TG: variants seen among roughly 807,000 people sequenced by gnomAD.
The protein encoded by TG is thyroglobulin.
A neutral mutation model predicts 324.7 loss-of-function variants in TG; 270 were observed. The ratio of observed to expected loss-of-function variants is 0.83; its 90% CI spans 0.75 to 0.92. TG has a LOEUF of 0.92. Among genes scored for constraint, TG ranks in the 40% least tolerant of loss-of-function variants. TG has a pLI of 0.00. For missense variants in TG, 3,591 were observed against 3,456.4 expected (o/e 1.04, Z -0.98); for synonymous variants, 1,401 against 1,327.0 (o/e 1.06, Z -1.21).
chr8:132,937,899 G>A (rs1446454772), intron 25 of TG, among the ~76,000 whole-genome samples: 1 of 151,980 alleles, frequency 6.6e-6, no homozygotes, highest in Admixed American at 6.6e-5. Flanking sequence ...ACTAAATCAA[G>A]GGCAGAACTA....
At chr8:133,133,086 C>G (rs1852068693) in intron 46 of TG, among the ~76,000 whole-genome samples, 1 of 152,164 alleles carries the variant, frequency 6.6e-6, no homozygotes, top group Admixed American at 6.5e-5. Flanking sequence ...GATTCACCCT[C>G]CTGCCCGGGC....
chr8:133,112,806 A>G (rs1190753710), intron 43 of TG, among the ~76,000 whole-genome samples: 2 of 152,064 alleles, frequency 1.3e-5, no homozygotes, highest in African/African-American at 2.4e-5. Context: ...CTGATATACC[A>G]TACATTTATT....
At chr8:133,118,317 T>C (rs1406458428) in intron 45 of TG, among the ~76,000 whole-genome samples, 1 of 139,114 alleles carries the variant, frequency 7.2e-6, no homozygotes, top group Non-Finnish European at 1.5e-5. Context: ...AAACAGATTC[T>C]TCCTTTTTTT....
chr8:132,929,968 G>T (rs1011520560), intron 23 of TG, among the ~76,000 whole-genome samples: 2 of 152,194 alleles, frequency 1.3e-5, no homozygotes, highest in East Asian at 3.9e-4. Flanking sequence ...GAGCGTAGTC[G>T]CAATAGTTAG....
chr8:132,950,894 G>A (rs1422004742), intron 27 of TG, among the ~76,000 whole-genome samples: 4 of 152,206 alleles, frequency 2.6e-5, no homozygotes, highest in African/African-American at 4.8e-5. Context: ...ATACTCACAA[G>A]TCCTCAACAC....
At chr8:132,883,261 A>T (rs1040874404) in intron 8 of TG, 3 of 498,140 alleles carry the variant, frequency 6.0e-6, no homozygotes, top group South Asian at 2.2e-5. Context: ...AAGAGAATTG[A>T]GTTCCCATGT....
intron 35 of TG, among the ~76,000 whole-genome samples, chr8:132,990,073 C>T (rs1432388562): frequency 2.0e-5 from 3 of 151,776 alleles, no homozygotes; most frequent in Non-Finnish European, 4.4e-5. Flanking sequence ...TTCCCAAGTC[C>T]AAACCGCTTT....
At chr8:133,014,075 G>C (rs1834801865) in intron 37 of TG, among the ~76,000 whole-genome samples, 1 of 152,100 alleles carries the variant, frequency 6.6e-6, no homozygotes, top group Non-Finnish European at 1.5e-5. Context: ...ATCTCATTTG[G>C]TCCTCACATT....
At chr8:133,050,743 A>C (rs146799432) in intron 41 of TG, 4 of 1,010,966 alleles carry the variant, frequency 4.0e-6, no homozygotes, top group Non-Finnish European at 6.3e-6. Context: ...TCTAGCTAAC[A>C]ATCAAATACT....
chr8:132,956,299 A>T (rs943246028), intron 27 of TG, among the ~76,000 whole-genome samples: 1 of 152,150 alleles, frequency 6.6e-6, no homozygotes, highest in Non-Finnish European at 1.5e-5. Context: ...TTATTTATAT[A>T]CTGAACACCA....
chr8:132,995,375 G>T, intron 35 of TG: 1 of 985,238 alleles, frequency 1.0e-6, no homozygotes, highest in Non-Finnish European at 1.2e-6. Flanking sequence ...GGTCTCTAAC[G>T]TGGAGGGCAA....
At chr8:132,970,674 T>C (rs1829377811) in intron 32 of TG, among the ~76,000 whole-genome samples, 1 of 151,892 alleles carries the variant, frequency 6.6e-6, no homozygotes, top group South Asian at 2.1e-4. Context: ...ATGGGAGTGG[T>C]GGATGAAAAG....
intron 35 of TG, among the ~76,000 whole-genome samples, chr8:133,009,578 T>A (rs890905837): frequency 2.6e-5 from 4 of 152,044 alleles, no homozygotes; most frequent in African/African-American, 9.7e-5. Flanking sequence ...AGACTGAATG[T>A]TTGCATCCTC....
chr8:132,901,866 C>T (rs534891044), intron 16 of TG, among the ~76,000 whole-genome samples: 1 of 152,080 alleles, frequency 6.6e-6, no homozygotes, highest in African/African-American at 2.4e-5. Flanking sequence ...GGAGAAGGAC[C>T]GTGGTTGCAG....
intron 17 of TG, 120 bp downstream of exon 17, chr8:132,907,020 G>A: frequency 9.4e-7 from 1 of 1,062,768 alleles, no homozygotes; most frequent in South Asian, 1.4e-5. Flanking sequence ...CTGGTGGTAT[G>A]CCAGATGGCA....
intron 35 of TG, among the ~76,000 whole-genome samples, chr8:132,996,703 G>A (rs4142712): frequency 0.31 from 47,600 of 152,084 alleles, 7,705 homozygotes; most frequent in Non-Finnish European, 0.35. Context: ...TAGAGGAGAA[G>A]AAGTAGGCAT....
intron 19 of TG, among the ~76,000 whole-genome samples, chr8:132,912,770 A>G (rs1000019384): frequency 6.6e-6 from 1 of 152,164 alleles, no homozygotes; most frequent in Non-Finnish European, 1.5e-5. Flanking sequence ...AAGACCCGAT[A>G]TCCTATGTTA....
intron 11 of TG, 151 bp from the exon 12 acceptor site, chr8:132,897,498 C>G (rs1159052950): frequency 2.8e-6 from 3 of 1,081,098 alleles, no homozygotes; most frequent in Middle Eastern, 2.0e-4. Flanking sequence ...GTGCAAGGAG[C>G]CTTTGTAATA....
At chr8:133,025,547 C>T (rs1835992781) in intron 40 of TG, among the ~76,000 whole-genome samples, 1 of 152,110 alleles carries the variant, frequency 6.6e-6, no homozygotes, top group African/African-American at 2.4e-5. Flanking sequence ...CATGTGTTAC[C>T]CTTGATGAGC....
Sources: gnomAD v4.1 joint callset for allele counts (sites outside exome capture counted in the v4.1 genomes callset) on GRCh38, gnomAD v4.1.1 for gene constraint, MANE v1.5 for transcripts, NCBI Gene and HGNC (gene_info 2026-07-23, HGNC 2026-07-21) for gene names.